The following VPS13B variants were observed in gnomAD, a reference collection of about 807,000 sequenced individuals.
VPS13B encodes the protein vacuolar protein sorting 13 homolog B, also known as intermembrane lipid transfer protein VPS13B.
Under a neutral mutation model 426.4 loss-of-function variants are expected in VPS13B, and 285 were observed. The observed-to-expected ratio is 0.67, with a 90% CI of 0.61 to 0.74. The LOEUF is 0.74. Ranked by LOEUF, VPS13B falls within the 30% of genes least tolerant of loss-of-function variation. The pLI is 0.00. For synonymous variants in VPS13B, 1,676 were observed against 1,676.4 expected, an observed-to-expected ratio of 1.00 and a Z score of 0.01; for missense variants, 4,537 against 4,782.6, an observed-to-expected ratio of 0.95 and a Z score of 1.51.
chr8:99,555,517 G>C (rs987583240), intron 30 of VPS13B, among the ~76,000 whole-genome samples: 4 of 151,954 alleles, frequency 2.6e-5, no homozygotes, highest in Middle Eastern at 3.4e-3. Flanking sequence ...CTTTTCTTCT[G>C]ATAAAAACTT....
rs1820041600 is a variant in VPS13B, at chr8:99,481,590, T to C, written c.3667-9T>C. The C allele has an allele frequency of 5.6e-6, 9 of 1,613,274 alleles. No individual in the cohort carries two copies. Among genetic ancestry groups the C allele is most frequent in the Non-Finnish European group, 7.6e-6 (9 of 1,179,674 alleles). ...ACTTGTTTTCTTTTCTTTTTTCTTATGCTCTCAGGTCCAGCTCTTCTATGA... is the reference window on the plus strand; with the variant it reads ...ACTTGTTTTCTTTTCTTTTTTCTTACGCTCTCAGGTCCAGCTCTTCTATGA... On this transcript the variant is annotated splice_polypyrimidine_tract_variant and intron_variant, in intron 24 of 61. Coordinates refer to ENST00000357162, the MANE Select transcript of VPS13B (RefSeq NM_152564.5).
At chr8:99,053,843 C>T (rs1160024218) in intron 3 of VPS13B, among the ~76,000 whole-genome samples, 1 of 151,996 alleles carries the variant, frequency 6.6e-6, no homozygotes, top group Non-Finnish European at 1.5e-5. Context: ...GCTGGGATTA[C>T]AGGCGACTAC....
In VPS13B at chr8:99,819,493, A is replaced by G. The variant is rs1588744960; in HGVS notation, c.8703A>G (p.Gly2901=). The G allele has an allele frequency of 1.2e-6, 2 of 1,613,934 alleles. No individual in the cohort carries two copies. Among genetic ancestry groups the G allele is most frequent in the Non-Finnish European group, 8.5e-7 (1 of 1,179,890 alleles). The change falls in exon 48 of 62, where the codon GGA becomes GGG. Residue 2901 remains glycine, a synonymous_variant. Coordinates refer to ENST00000357162, the MANE Select transcript of VPS13B (RefSeq NM_152564.5). ...AAATAGCCACTAAGGTACACCCTGGAGGCACAGTTAATCAGATCCTTGACG... is the reference window on the plus strand; with the variant it reads ...AAATAGCCACTAAGGTACACCCTGGGGGCACAGTTAATCAGATCCTTGACG... The part of the protein sequence containing the change: ...IKQIATKVHP[G]GTVNQILDEF...
At chr8:99,015,242 A>C (rs1438921871) in intron 2 of VPS13B, among the ~76,000 whole-genome samples, 1 of 124,640 alleles carries the variant, frequency 8.0e-6, no homozygotes, top group Non-Finnish European at 1.6e-5. Flanking sequence ...TTTGAGACGG[A>C]GTCTTGCTCT....
chr8:99,822,169 T>C (rs576702104), intron 50 of VPS13B, among the ~76,000 whole-genome samples: 1 of 152,326 alleles, frequency 6.6e-6, no homozygotes, highest in South Asian at 2.1e-4. Flanking sequence ...TCTAATATCA[T>C]CATTATTTTA....
chr8:99,813,495 G>A (rs1440541612), intron 44 of VPS13B, among the ~76,000 whole-genome samples: 1 of 152,202 alleles, frequency 6.6e-6, no homozygotes, highest in African/African-American at 2.4e-5. Flanking sequence ...TTCAAGTTAG[G>A]CAATGCTATG....
rs1461408477 is a variant in VPS13B at position 99,507,118 on chromosome 8, G to A, written c.4158-19G>A. On this transcript the variant is annotated intron_variant, in intron 27 of 61. Transcript: ENST00000357162. ...AGAAAAATTGAAGAGAACAGATAAGGTGAACTTATGTTTTCCAGGCCAGGG... is the reference window on the plus strand; with the variant it reads ...AGAAAAATTGAAGAGAACAGATAAGATGAACTTATGTTTTCCAGGCCAGGG... The A allele has an allele frequency of 3.7e-6, 6 of 1,613,624 alleles. No individual in the cohort carries two copies. The highest frequency in any genetic ancestry group is 3.4e-6 in the Non-Finnish European group (4 of 1,179,774).
chr8:99,237,918 T>C (rs2132876845), intron 17 of VPS13B, among the ~76,000 whole-genome samples: 1 of 152,142 alleles, frequency 6.6e-6, no homozygotes, highest in South Asian at 2.1e-4. Flanking sequence ...TCTGAAACTC[T>C]TAATGGCCTT....
chr8:99,038,471 A>T lies in VPS13B; in HGVS notation c.196A>T (p.Arg66Trp), dbSNP rs1390703742. The T allele has an allele frequency of 6.2e-7, 1 of 1,609,162 alleles. No homozygotes were observed. Among genetic ancestry groups the T allele is most frequent in the South Asian group, 1.1e-5 (1 of 90,502 alleles). ...TFLSGHIHEL[R>W]IHVPWTKLGS... ...TTTAAGTGGACATATTCATGAATTG[A>T]GGATTCATGTACCATGGACAAAACT... Residue 66 changes from arginine (R) to tryptophan (W), a missense_variant, in exon 3 of 62, where the codon AGG becomes TGG. Arg to Trp is a moderately radical substitution (Grantham distance 101, BLOSUM62 -3). Around this residue, in one of 2 missense-constraint regions of VPS13B, gnomAD observed 226 missense variants for 308.3 expected, o/e 0.73. Transcript: ENST00000357162.
Position 99,366,529 on chromosome 8 carries a change from G to GTT in VPS13B, c.2825-17667_2825-17666dup, listed in dbSNP as rs74203765. On this transcript the variant is annotated intron_variant, in intron 19 of 61. Coordinates refer to ENST00000357162, the MANE Select transcript of VPS13B (RefSeq NM_152564.5). ...AGATCATTGGGTCTTGTTTTTTTTTGTTTTTTTTTTTTTAATCCATTCAGC... is the reference window on the plus strand; with the variant it reads ...AGATCATTGGGTCTTGTTTTTTTTTGTTTTTTTTTTTTTTTAATCCATTCAGC... 7.8e-5 allele frequency among the ~76,000 whole-genome samples: 10 copies of GTT among 128,470 alleles called. No homozygotes were observed. The East Asian group carries it at 1.6e-3, about 21-fold the overall frequency. 84.3% of individuals were successfully genotyped at this position (128,470 alleles called of 152,430 possible).
Position 99,431,594 on chromosome 8 carries a change from G to A in VPS13B, c.3140G>A (p.Arg1047Lys). 1 of 1,613,480 alleles carries A rather than the reference G, an allele frequency of 6.2e-7. No homozygotes were observed. The highest frequency in any genetic ancestry group is 8.5e-7 in the Non-Finnish European group (1 of 1,179,748). ...KAMLNISESCRSPEERMKEFI... is the reference protein window; with the variant it reads ...KAMLNISESCKSPEERMKEFI... ...ATGTTGAATATATCTGAAAGCTGTA[G>A]AAGTCCTGAAGAAAGAATGAAGGAA... The change falls in exon 22 of 62, where the codon AGA becomes AAA. Residue 1047 changes from arginine (R) to lysine (K), a missense_variant. Arg to Lys is a conservative substitution (Grantham distance 26, BLOSUM62 2). Coordinates refer to ENST00000357162, the MANE Select transcript of VPS13B (RefSeq NM_152564.5).
At chr8:99,581,768 C>T (rs985555505) in intron 33 of VPS13B, among the ~76,000 whole-genome samples, 14 of 152,240 alleles carry the variant, frequency 9.2e-5, no homozygotes, top group African/African-American at 3.1e-4. Flanking sequence ...ACTCAACCTG[C>T]GTTATGACAG....
intron 33 of VPS13B, among the ~76,000 whole-genome samples, chr8:99,597,019 CATATA>C (rs1178047911): frequency 6.6e-6 from 1 of 152,118 alleles, no homozygotes; most frequent in African/African-American, 2.4e-5. Context: ...AGTTCTATAT[CATATA>C]ATATGTCAGA....
intron 17 of VPS13B, among the ~76,000 whole-genome samples, chr8:99,252,522 C>T (rs1442534677): frequency 6.6e-6 from 1 of 152,044 alleles, no homozygotes; most frequent in African/African-American, 2.4e-5. Flanking sequence ...GTGTATTCTG[C>T]TGTTCTATAA....
intron 21 of VPS13B, among the ~76,000 whole-genome samples, chr8:99,428,968 A>C (rs1455750558): frequency 1.3e-5 from 2 of 152,218 alleles, no homozygotes; most frequent in African/African-American, 2.4e-5. Context: ...TGATGAGTTC[A>C]TGTCCTTTGT....
At chr8:99,406,863 A>G (rs1347040572) in intron 21 of VPS13B, among the ~76,000 whole-genome samples, 1 of 152,236 alleles carries the variant, frequency 6.6e-6, no homozygotes, top group Admixed American at 6.5e-5. Flanking sequence ...AAAAGTTTTC[A>G]TTGAGAAGAC....
chr8:99,220,197 T>A (rs1815632903), intron 17 of VPS13B, among the ~76,000 whole-genome samples: 1 of 152,216 alleles, frequency 6.6e-6, no homozygotes, highest in Admixed American at 6.5e-5. Context: ...TTTGAGACTC[T>A]GCTTCCAATA....
At chr8:99,604,661 G>A (rs926459645) in intron 33 of VPS13B, among the ~76,000 whole-genome samples, 17 of 151,928 alleles carry the variant, frequency 1.1e-4, no homozygotes, top group Admixed American at 1.0e-3. Flanking sequence ...CACTGCGCCC[G>A]GCTAATTTTT....
intron 33 of VPS13B, among the ~76,000 whole-genome samples, chr8:99,624,847 T>C (rs937616303): frequency 6.6e-6 from 1 of 151,674 alleles, no homozygotes; most frequent in East Asian, 1.9e-4. Context: ...GATGGAGTTT[T>C]GCTCTTGTTG....
Sources: allele counts gnomAD v4.1 joint callset (sites outside exome capture counted in the v4.1 genomes callset), GRCh38; gene constraint gnomAD v4.1.1; regional missense constraint gnomAD v4.1.1; transcripts MANE v1.5; gene names NCBI Gene and HGNC (gene_info 2026-07-23, HGNC 2026-07-21).